The following RYR1 variants were observed in gnomAD, a reference collection of about 807,000 sequenced individuals.
The protein encoded by RYR1 is ryanodine receptor 1, also known as central core disease of muscle.
A neutral mutation model predicts 583.5 loss-of-function variants in RYR1; 342 were observed. That is an observed-to-expected ratio of 0.59 (90% CI 0.54 to 0.64). The LOEUF (loss-of-function observed/expected upper bound fraction) is 0.64, where lower values mean the gene tolerates loss of function less well. Ranked by LOEUF, RYR1 falls within the 30% of genes least tolerant of loss-of-function variation. The pLI is 0.00. For synonymous variants in RYR1, 2,791 were observed against 2,822.5 expected (o/e 0.99, Z 0.35); for missense variants, 6,032 against 6,917.2 (o/e 0.87, Z 4.54).
intron 69 of RYR1, 200 bp from the exon 70 acceptor site, chr19:38,523,715 C>T: frequency 3.0e-6 from 2 of 669,546 alleles, no homozygotes; most frequent in East Asian, 5.4e-5. Context: ...TGCTTTCCTC[C>T]CTATCCTTCT....
chr19:38,539,457 C>T (rs1215005863), intron 84 of RYR1, among the ~76,000 whole-genome samples: 1 of 151,914 alleles, frequency 6.6e-6, no homozygotes, highest in Non-Finnish European at 1.5e-5. Context: ...CAGGGGATCT[C>T]AAACTCCTGG....
chr19:38,462,859 C>G (rs1006219921), intron 20 of RYR1, among the ~76,000 whole-genome samples: 1 of 150,680 alleles, frequency 6.6e-6, no homozygotes, highest in Non-Finnish European at 1.5e-5. Flanking sequence ...GGAGACAGAC[C>G]CGTCCCAGAT....
intron 61 of RYR1, among the ~76,000 whole-genome samples, chr19:38,511,856 C>T (rs144441677): frequency 1.3e-5 from 2 of 151,668 alleles, no homozygotes; most frequent in Non-Finnish European, 2.9e-5. Context: ...CCAGTGGGGT[C>T]AGGGCTGGGC....
At chr19:38,528,839 G>A in intron 75 of RYR1, 112 bp from the exon 76 acceptor site, 13 of 1,433,862 alleles carry the variant, frequency 9.1e-6, no homozygotes, top group Non-Finnish European at 9.7e-6. Flanking sequence ...AACCAAAGTA[G>A]GGCGCAGGAT....
At chr19:38,503,374 GTC>G (rs1260883400) in intron 49 of RYR1, among the ~76,000 whole-genome samples, 3 of 152,042 alleles carry the variant, frequency 2.0e-5, no homozygotes, top group African/African-American at 4.8e-5. Context: ...TTTGCACACT[GTC>G]TCTCTTATTT....
intron 9 of RYR1, among the ~76,000 whole-genome samples, 192 bp downstream of exon 9, chr19:38,446,960 T>C (rs1972972436): frequency 6.6e-6 from 1 of 152,004 alleles, no homozygotes; most frequent in Non-Finnish European, 1.5e-5. Context: ...CCCAGCACTT[T>C]GGGAGGCTGA....
rs759369980 is a variant in RYR1, at chr19:38,483,505, C to T, written c.4923C>T (p.Pro1641=). The change falls in exon 33 of 106, where the codon CCC becomes CCT. Residue 1641 remains proline (P), a synonymous_variant. Coordinates refer to ENST00000359596, the MANE Select transcript of RYR1 (RefSeq NM_000540.3). The surrounding 1 kb of genome is among the most constrained non-coding windows in gnomAD (Gnocchi z 6.3). ...TGACCATGATGGCGCTGCACATCCCCGAGGAGAACCGGTCAGGGCCAGCCC... is the reference window on the plus strand; with the variant it reads ...TGACCATGATGGCGCTGCACATCCCTGAGGAGAACCGGTCAGGGCCAGCCC... ...EPLTMMALHI[P]EENRCMDILE... is the part of the protein sequence containing the mutation. The T allele has an allele frequency of 1.4e-5, 22 of 1,548,730 alleles. No homozygotes were observed. Among genetic ancestry groups the T allele is most frequent in the South Asian group, 4.7e-5 (4 of 84,476 alleles).
In RYR1 at chr19:38,565,659, A is replaced by G. The variant is rs1278315962; in HGVS notation, c.13325A>G (p.Asp4442Gly). ...GGADGAVAVTDGGPFRPEGAG... is the reference protein window; with the variant it reads ...GGADGAVAVTGGGPFRPEGAG... ...GCCGACGGGGCGGTGGCCGTGACCGATGGGGGCCCCTTCCGGCCCGAAGGG... is the reference window on the plus strand; with the variant it reads ...GCCGACGGGGCGGTGGCCGTGACCGGTGGGGGCCCCTTCCGGCCCGAAGGG... Residue 4442 changes from aspartate (D) to glycine (G), a missense_variant, in exon 91 of 106, where the codon GAT becomes GGT. This residue lies in a region of RYR1 where 753 missense variants were observed against 759.6 expected (regional missense o/e 0.99). Coordinates refer to ENST00000359596, the MANE Select transcript of RYR1 (RefSeq NM_000540.3). This position sits in a 1 kb window ranked among gnomAD's most constrained non-coding sequence, Gnocchi z 4.7. 2 of 1,388,518 alleles carry G rather than the reference A, an allele frequency of 1.4e-6. No individual in the cohort carries two copies. The highest frequency in any genetic ancestry group is 3.0e-5 in the East Asian group (1 of 33,408). The allele number at this position is 1,388,518 out of a possible 1,614,324, so 86.0% of individuals were successfully genotyped here.
chr19:38,565,832 A>G lies in RYR1; in HGVS notation c.13437+61A>G. On this transcript the variant is annotated intron_variant, in intron 91 of 105. Coordinates refer to ENST00000359596, the MANE Select transcript of RYR1 (RefSeq NM_000540.3). The surrounding 1 kb of genome is among the most constrained non-coding windows in gnomAD (Gnocchi z 4.7). Reference sequence around the variant, plus strand: ...GATGGGGGATTGGAGGGAGGAAGAGAGCCCGGCTGGGTGGAGACACACACA... The same window carrying G: ...GATGGGGGATTGGAGGGAGGAAGAGGGCCCGGCTGGGTGGAGACACACACA... 7.4e-7 allele frequency: 1 copy of G among 1,352,030 alleles called. No individual in the cohort carries two copies. Among genetic ancestry groups the G allele is most frequent in the Non-Finnish European group, 9.4e-7 (1 of 1,058,212 alleles). 83.8% of individuals were successfully genotyped at this position (1,352,030 alleles called of 1,614,324 possible). A position where few individuals can be genotyped will look rare whatever the true frequency, so the allele number is the denominator to read the frequency against.
Position 38,536,735 on chromosome 19 carries a change from T to C in RYR1, c.11591-15T>C. 2 of 1,613,934 alleles carry C rather than the reference T, an allele frequency of 1.2e-6. No individual in the cohort carries two copies. Among genetic ancestry groups the C allele is most frequent in the Non-Finnish European group, 1.7e-6 (2 of 1,179,932 alleles). On this transcript the variant is annotated splice_polypyrimidine_tract_variant and intron_variant, in intron 82 of 105. Coordinates refer to ENST00000359596, the MANE Select transcript of RYR1 (RefSeq NM_000540.3). ...TTTCTCCTGCTTCCTCCTCCCATCC[T>C]GTTGGCTGCCCCAGTCATCAATCGC... is the stretch of plus-strand genomic sequence containing the variant.
intron 89 of RYR1, among the ~76,000 whole-genome samples, chr19:38,548,971 A>AT (rs1337579495): frequency 6.6e-6 from 1 of 152,190 alleles, no homozygotes; most frequent in African/African-American, 2.4e-5. Context: ...CATTATCATT[A>AT]TTGTGAATAG....
intron 98 of RYR1, 22 bp downstream of exon 98, chr19:38,578,070 A>T (rs781256650): frequency 8.1e-6 from 13 of 1,613,952 alleles, no homozygotes; most frequent in Non-Finnish European, 1.1e-5. Flanking sequence ...ACACCCCTGC[A>T]CAGGCCTGGG....
chr19:38,534,159 A>G (rs1022939069), intron 78 of RYR1, among the ~76,000 whole-genome samples: 75 of 152,040 alleles, frequency 4.9e-4, no homozygotes, highest in African/African-American at 1.7e-3. Context: ...CTACAGGCTC[A>G]TGCCACCACG....
At chr19:38,536,099 C>G in intron 82 of RYR1, 29 bp downstream of exon 82, 2 of 1,587,308 alleles carry the variant, frequency 1.3e-6, no homozygotes, top group Non-Finnish European at 1.7e-6. Context: ...CTTCCCACCC[C>G]CTGAGACATC....
In RYR1 at chr19:38,587,425, C is replaced by A. The variant is rs369126715; in HGVS notation, c.*5C>A. The A allele has an allele frequency of 1.2e-6, 2 of 1,610,002 alleles. No homozygotes were observed. Among genetic ancestry groups the A allele is most frequent in the African/African-American group, 2.7e-5 (2 of 74,792 alleles). ...TATGAGGACCAGCTTAGCTGACACA[C>A]CCCCAGCTGGCCCTCCACCCCCACC... On this transcript the variant is annotated 3_prime_UTR_variant, in exon 106 of 106. Transcript: ENST00000359596.
At chr19:38,451,446 C>G (rs151189125) in intron 11 of RYR1, among the ~76,000 whole-genome samples, 2 of 151,880 alleles carry the variant, frequency 1.3e-5, no homozygotes, top group Non-Finnish European at 2.9e-5. Flanking sequence ...TGGAAAGGGT[C>G]TGGCCTGGAG....
chr19:38,555,491 GTGTA>G (rs1422445915), intron 89 of RYR1, among the ~76,000 whole-genome samples: 1 of 149,750 alleles, frequency 6.7e-6, no homozygotes, highest in East Asian at 1.9e-4. Flanking sequence ...GCACGTGTGT[GTGTA>G]TGTGTGTGTG....
intron 82 of RYR1, 27 bp from the exon 83 acceptor site, chr19:38,536,723 C>G (rs761255439): frequency 3.7e-6 from 6 of 1,613,708 alleles, no homozygotes; most frequent in Non-Finnish European, 5.1e-6. Flanking sequence ...CTCCTGCTTC[C>G]TCCTCCCATC....
At chr19:38,535,898 G>A (rs1459827678) in intron 81 of RYR1, 99 bp from the exon 82 acceptor site, 17 of 1,017,558 alleles carry the variant, frequency 1.7e-5, no homozygotes, top group Non-Finnish European at 2.6e-5. Flanking sequence ...GGTTTACTGT[G>A]GCTCTCCAGG....
Sources: gnomAD v4.1 joint callset for allele counts (sites outside exome capture counted in the v4.1 genomes callset) on GRCh38, gnomAD v4.1.1 for gene constraint, gnomAD v4.1.1 regional missense constraint, Gnocchi (gnomAD v3.1) non-coding constraint, MANE v1.5 for transcripts, NCBI Gene and HGNC (gene_info 2026-07-23, HGNC 2026-07-21) for gene names.